The following JAML variants were observed in gnomAD, a reference collection of about 807,000 sequenced individuals.
JAML encodes junction adhesion molecule like, also known as junctional adhesion molecule-like.
In JAML, 25 loss-of-function variants were observed where a neutral mutation model predicts 39.3. The ratio of observed to expected loss-of-function variants is 0.64; its 90% confidence interval spans 0.46 to 0.89. The LOEUF (loss-of-function observed/expected upper bound fraction) is 0.89, where lower values mean the gene tolerates loss of function less well. Ranked by LOEUF, JAML falls within the 40% of genes least tolerant of loss-of-function variation. The pLI is 0.00. For missense variants in JAML, 440 were observed against 486.9 expected, an observed-to-expected ratio of 0.90 and a Z score of 0.91; for synonymous variants, 162 against 179.2, an observed-to-expected ratio of 0.90 and a Z score of 0.77.
chr11:118,210,410 A>G, intron 4 of JAML, 77 bp downstream of exon 4: 2 of 1,431,626 alleles, frequency 1.4e-6, no homozygotes, highest in Non-Finnish European at 1.9e-6. Context: ...GCATTTACTC[A>G]AGATAATCAG....
At chr11:118,194,865 C>G (rs1410995802) in intron 9 of JAML, among the ~76,000 whole-genome samples, 1 of 152,240 alleles carries the variant, frequency 6.6e-6, no homozygotes. Context: ...GGCCTGCAGT[C>G]CCAAATTCAC....
intron 7 of JAML, among the ~76,000 whole-genome samples, chr11:118,198,743 T>C (rs1948715210): frequency 6.6e-6 from 1 of 151,670 alleles, no homozygotes; most frequent in South Asian, 2.1e-4. Context: ...TCAGTGGAAA[T>C]ATTTTCCTTG....
Position 118,200,346 on chromosome 11 carries a change from T to C in JAML, c.911+128A>G. ...AAGTGGGCAGGGTTACCACAGATGATTCCATTTAAAAATACCCCCTTCTGT... is the reference window on the plus strand; with the variant it reads ...AAGTGGGCAGGGTTACCACAGATGACTCCATTTAAAAATACCCCCTTCTGT... On this transcript the variant is annotated intron_variant, in intron 7 of 9. Coordinates refer to ENST00000356289, the MANE Select transcript of JAML (RefSeq NM_001098526.2). 4 of 1,164,630 alleles carry C rather than the reference T, an allele frequency of 3.4e-6. No homozygotes were observed. The South Asian group carries it at 4.6e-5, about 13-fold the overall frequency. The allele number at this position is 1,164,630 out of a possible 1,614,324, so 72.1% of individuals were successfully genotyped here.
chr11:118,202,441 C>A (rs1948822977), intron 6 of JAML: 1 of 155,704 alleles, frequency 6.4e-6, no homozygotes, highest in Non-Finnish European at 1.4e-5. Context: ...CTCAAAGAGC[C>A]ATGTTGTAAG....
Position 118,203,474 on chromosome 11 carries a change from C to T in JAML, c.726G>A (p.Val242=). 6.2e-7 allele frequency: 1 copy of T among 1,614,190 alleles called. No homozygotes were observed. The highest frequency in any genetic ancestry group is 8.5e-7 in the Non-Finnish European group (1 of 1,180,032). The change falls in exon 6 of 10, where the codon GTG becomes GTA. Residue 242 remains valine, a synonymous_variant. Transcript: ENST00000356289. The part of the protein sequence containing the change: ...YTCSIHLGNL[V]FKKTIVLHVS... Reference sequence around the variant, plus strand: ...CATGCAGCACAATGGTTTTCTTGAACACCAGGTTCCCTAGGTGGATACTGC... The same window carrying T: ...CATGCAGCACAATGGTTTTCTTGAATACCAGGTTCCCTAGGTGGATACTGC...
intron 2 of JAML, among the ~76,000 whole-genome samples, chr11:118,213,684 G>A (rs2134672034): frequency 6.6e-6 from 1 of 152,340 alleles, no homozygotes; most frequent in African/African-American, 2.4e-5. Flanking sequence ...AAGAGAAACT[G>A]ATGTTTGAAG....
intron 1 of JAML, among the ~76,000 whole-genome samples, chr11:118,215,293 C>G (rs1207216917): frequency 2.6e-5 from 4 of 152,122 alleles, no homozygotes; most frequent in East Asian, 3.9e-4. Context: ...ATGTTTCACA[C>G]AAACAAAAAA....
chr11:118,199,062 C>G (rs552787584), intron 7 of JAML, among the ~76,000 whole-genome samples: 4 of 152,302 alleles, frequency 2.6e-5, no homozygotes, highest in African/African-American at 9.6e-5. Flanking sequence ...GGATATCTTT[C>G]CATGTCATTA....
chr11:118,218,183 T>A (rs2134676859), intron 1 of JAML, among the ~76,000 whole-genome samples: 1 of 152,316 alleles, frequency 6.6e-6, no homozygotes, highest in Non-Finnish European at 1.5e-5. Context: ...AACCTCCGCC[T>A]CTCGGGTTCA....
At chr11:118,195,173 T>C (rs1316609945) in intron 9 of JAML, among the ~76,000 whole-genome samples, 1 of 152,072 alleles carries the variant, frequency 6.6e-6, no homozygotes, top group Non-Finnish European at 1.5e-5. Flanking sequence ...TATCAGCAGG[T>C]CTCCAGGAGC....
intron 1 of JAML, among the ~76,000 whole-genome samples, chr11:118,220,948 A>C (rs536810301): frequency 6.6e-6 from 1 of 152,324 alleles, no homozygotes; most frequent in African/African-American, 2.4e-5. Context: ...CCCCCGCTGA[A>C]TTCCAAATCA....
chr11:118,210,132 TA>T (rs1440776103), intron 4 of JAML, among the ~76,000 whole-genome samples: 7 of 152,202 alleles, frequency 4.6e-5, no homozygotes, highest in Non-Finnish European at 1.0e-4. Context: ...TAGGGCATAG[TA>T]AAAAGAACAT....
At chr11:118,211,750 G>A (rs770280469) in intron 3 of JAML, among the ~76,000 whole-genome samples, 2 of 152,206 alleles carry the variant, frequency 1.3e-5, no homozygotes, top group East Asian at 1.9e-4. Flanking sequence ...CCTGATATAC[G>A]AGTATCTATA....
At chr11:118,223,435 G>C (rs568231421) in intron 1 of JAML, among the ~76,000 whole-genome samples, 11 of 152,186 alleles carry the variant, frequency 7.2e-5, no homozygotes, top group Non-Finnish European at 1.2e-4. Context: ...TTAAGAATTG[G>C]ATCTAACATT....
intron 2 of JAML, among the ~76,000 whole-genome samples, chr11:118,213,849 G>A (rs1165672031): frequency 2.6e-5 from 4 of 152,144 alleles, no homozygotes; most frequent in Non-Finnish European, 5.9e-5. Context: ...AAAACCTGCA[G>A]GCTGCTCCAC....
intron 4 of JAML, among the ~76,000 whole-genome samples, chr11:118,209,702 T>A (rs897279596): frequency 5.9e-5 from 9 of 151,812 alleles, no homozygotes; most frequent in South Asian, 2.1e-4. Flanking sequence ...ATTATTATTT[T>A]TTTTTTATTT....
At chr11:118,208,294 C>T (rs998103536) in intron 4 of JAML, among the ~76,000 whole-genome samples, 1 of 151,906 alleles carries the variant, frequency 6.6e-6, no homozygotes, top group East Asian at 1.9e-4. Flanking sequence ...GCTTCTTCTT[C>T]CTGGAGAACA....
At chr11:118,216,708 A>G (rs2134675449) in intron 1 of JAML, among the ~76,000 whole-genome samples, 1 of 152,318 alleles carries the variant, frequency 6.6e-6, no homozygotes, top group Non-Finnish European at 1.5e-5. Flanking sequence ...AGAATGGCAA[A>G]TGATGAATCA....
At chr11:118,220,806 G>A (rs1470007204) in intron 1 of JAML, among the ~76,000 whole-genome samples, 1 of 152,160 alleles carries the variant, frequency 6.6e-6, no homozygotes, top group Non-Finnish European at 1.5e-5. Context: ...GGGATACATG[G>A]GAAAAAGCCC....
Sources: allele counts gnomAD v4.1 joint callset (sites outside exome capture counted in the v4.1 genomes callset), GRCh38; gene constraint gnomAD v4.1.1; transcripts MANE v1.5; gene names NCBI Gene and HGNC (gene_info 2026-07-23, HGNC 2026-07-21).